MRTO4: variants seen among roughly 807,000 people sequenced by gnomAD.
The protein encoded by MRTO4 is MRT4 homolog, ribosome maturation factor.
Under a neutral mutation model 28.6 loss-of-function variants are expected in MRTO4, and 7 were observed. The ratio of observed to expected loss-of-function variants is 0.24; its 90% CI spans 0.14 to 0.46. MRTO4 has a LOEUF of 0.46. Among genes scored for constraint, MRTO4 ranks in the 20% least tolerant of loss-of-function variants. The pLI is 0.99. For synonymous variants in MRTO4, 113 were observed against 108.2 expected (o/e 1.04, Z -0.27); for missense variants, 302 against 298.3 (o/e 1.01, Z -0.09).
intron 5 of MRTO4, 49 bp from the exon 6 acceptor site, chr1:19,257,783 TG>T (rs1331049570): frequency 6.3e-7 from 1 of 1,598,834 alleles, no homozygotes; most frequent in East Asian, 2.2e-5. Flanking sequence ...ACTCATGGGC[TG>T]GTGGCGTGGC....
At chr1:19,255,561 C>T (rs2093670291) in intron 2 of MRTO4, among the ~76,000 whole-genome samples, 1 of 152,174 alleles carries the variant, frequency 6.6e-6, no homozygotes, top group African/African-American at 2.4e-5. Context: ...CTCATGGTGG[C>T]TTTGGCCAGC....
Position 19,258,845 on chromosome 1 carries a change from T to C in MRTO4, c.*15T>C. On this transcript the variant is annotated 3_prime_UTR_variant, in exon 8 of 8. Coordinates refer to ENST00000330263, the MANE Select transcript of MRTO4 (RefSeq NM_016183.4). ...ATGATGACTGAAAGGGACTCGGGAC[T>C]GAAGGTCTCCTGGAAGCTTCTGGGT... 6.2e-7 allele frequency: 1 copy of C among 1,612,332 alleles called. No individual in the cohort carries two copies. Among genetic ancestry groups the C allele is most frequent in the Middle Eastern group, 1.7e-4 (1 of 6,024 alleles).
chr1:19,251,841 C>T lies in MRTO4; in HGVS notation c.6C>T (p.Pro2=). 1.3e-6 allele frequency: 2 copies of T among 1,587,706 alleles called. No homozygotes were observed. Among genetic ancestry groups the T allele is most frequent in the Non-Finnish European group, 8.6e-7 (1 of 1,167,906 alleles). ...CCGCACGTGGATTCAGCGCGATGCCCAAATCCAAGCGCGACAAGAAAGGTG... is the reference window on the plus strand; with the variant it reads ...CCGCACGTGGATTCAGCGCGATGCCTAAATCCAAGCGCGACAAGAAAGGTG... M[P]KSKRDKKVSL... Residue 2 remains proline (P), a synonymous_variant, in exon 1 of 8, where the codon CCC becomes CCT. Transcript: ENST00000330263.
intron 2 of MRTO4, 97 bp downstream of exon 2, chr1:19,254,937 A>C: frequency 9.2e-7 from 1 of 1,083,090 alleles, no homozygotes; most frequent in African/African-American, 1.8e-5. Flanking sequence ...CCAGGGGAAC[A>C]TACTAGTGGG....
rs902383847 is a variant in MRTO4 at position 19,255,689 on chromosome 1, G to A, written c.88-259G>A. 4.6e-5 allele frequency among the ~76,000 whole-genome samples: 7 copies of A among 152,304 alleles called. No individual in the cohort carries two copies. The South Asian group carries it at 8.3e-4, about 18-fold the overall frequency. On this transcript the variant is annotated intron_variant, in intron 2 of 7. Transcript: ENST00000330263. Reference sequence around the variant, plus strand: ...GAATGTTTCTAGGTTAACAGCTGATGATCAGTTCCACTGTTGGTCATAAAT... The same window carrying A: ...GAATGTTTCTAGGTTAACAGCTGATAATCAGTTCCACTGTTGGTCATAAAT...
chr1:19,258,468 C>G lies in MRTO4; in HGVS notation c.494-9C>G. 1 of 1,613,654 alleles carries G rather than the reference C, an allele frequency of 6.2e-7. No individual in the cohort carries two copies. Among genetic ancestry groups the G allele is most frequent in the South Asian group, 1.1e-5 (1 of 91,080 alleles). ...GCCAGAGGTAACTGAGAGCCACCCT[C>G]TTCTGCAGGTGTGGTGACTCTGCTG... On this transcript the variant is annotated splice_polypyrimidine_tract_variant and intron_variant, in intron 6 of 7. Coordinates refer to ENST00000330263, the MANE Select transcript of MRTO4 (RefSeq NM_016183.4).
intron 1 of MRTO4, among the ~76,000 whole-genome samples, chr1:19,252,488 G>T (rs540178557): frequency 7.7e-4 from 118 of 152,266 alleles, no homozygotes; most frequent in African/African-American, 2.7e-3. Context: ...ATCTGAGGTC[G>T]GGAGTTCCCG....
At position 19,255,932 on chromosome 1, in the gene MRTO4, G is replaced by T. The variant is rs756266483; in HGVS notation, c.88-16G>T. On this transcript the variant is annotated splice_polypyrimidine_tract_variant and intron_variant, in intron 2 of 7. Transcript: ENST00000330263. Reference sequence around the variant, plus strand: ...TGCTGCTGCTTGAACTCAGAGCCTCGTGAATTGTCCCACAGCTTCGGAAAT... The same window carrying T: ...TGCTGCTGCTTGAACTCAGAGCCTCTTGAATTGTCCCACAGCTTCGGAAAT... The T allele has an allele frequency of 6.2e-7, 1 of 1,611,100 alleles. No homozygotes were observed.
intron 6 of MRTO4, 54 bp downstream of exon 6, chr1:19,258,038 C>T (rs2151973639): frequency 6.3e-7 from 1 of 1,576,670 alleles, no homozygotes; most frequent in Non-Finnish European, 8.6e-7. Context: ...AGAGCACGGG[C>T]CTGCAAGCTC....
intron 1 of MRTO4, among the ~76,000 whole-genome samples, chr1:19,253,082 A>G (rs545725553): frequency 6.6e-5 from 10 of 152,298 alleles, no homozygotes; most frequent in African/African-American, 2.2e-4. Flanking sequence ...AGGAAAGCCT[A>G]TTTCTTATCG....
chr1:19,254,800 C>T lies in MRTO4; in HGVS notation c.47C>T (p.Ala16Val), dbSNP rs762753214. The T allele has an allele frequency of 6.2e-7, 1 of 1,611,352 alleles. No individual in the cohort carries two copies. The highest frequency in any genetic ancestry group is 1.7e-5 in the Admixed American group (1 of 59,292). Residue 16 changes from alanine to valine, a missense_variant, in exon 2 of 8, where the codon GCC (alanine) becomes GTC (valine). Ala to Val is a moderately conservative substitution (Grantham distance 64, BLOSUM62 0). Transcript: ENST00000330263. ...TTATTAGTCTCCTTAACCAAAACTG[C>T]CAAGAAAGGCTTGGAATTGAAACAA... ...RDKKVSLTKT[A>V]KKGLELKQNL...
In MRTO4 at chr1:19,259,275, AAAG is replaced by A. The variant is rs1181912646; in HGVS notation, c.*448_*450del. On this transcript the variant is annotated 3_prime_UTR_variant, in exon 8 of 8. Coordinates refer to ENST00000330263, the MANE Select transcript of MRTO4 (RefSeq NM_016183.4). ...GTAAAACTCTGTCCCAAAAAAAAAA[AAAG>A]AATACAACCTTGCAGGATGTCTCTC... The A allele has an allele frequency of 1.4e-4, 22 of 155,218 alleles. No homozygotes were observed. The highest frequency in any genetic ancestry group is 2.8e-4 in the Non-Finnish European group (20 of 70,190). 9.6% of individuals were successfully genotyped at this position (155,218 alleles called of 1,614,324 possible). A position where few individuals can be genotyped will look rare whatever the true frequency, so the allele number is the denominator to read the frequency against.
chr1:19,254,171 G>A (rs1175916089), intron 1 of MRTO4, among the ~76,000 whole-genome samples: 1 of 152,138 alleles, frequency 6.6e-6, no homozygotes, highest in Admixed American at 6.5e-5. Flanking sequence ...CCAGGAGTTC[G>A]AGACCAACCT....
At chr1:19,254,655 G>C in intron 1 of MRTO4, 127 bp from the exon 2 acceptor site, 1 of 796,202 alleles carries the variant, frequency 1.3e-6, no homozygotes, top group Non-Finnish European at 2.2e-6. Context: ...GGCCACAAAG[G>C]CCTTGCTGCC....
In MRTO4 at chr1:19,257,604, A is replaced by G. The variant is rs1038126331; in HGVS notation, c.341+83A>G. 5 of 1,544,528 alleles carry G rather than the reference A, an allele frequency of 3.2e-6. No homozygotes were observed. In the African/African-American group the frequency reaches 4.1e-5, roughly 13 times the overall value. ...GAATGATGCAGGAACTTCGTTCCAT[A>G]TGTGGCATCAAGTTGGAACTGCTCC... On this transcript the variant is annotated intron_variant, in intron 5 of 7. Transcript: ENST00000330263.
Position 19,252,944 on chromosome 1 carries a change from CACCTCTTAAGAG to C in MRTO4, c.28+1085_28+1096del, listed in dbSNP as rs572853129. ...CGTGAGCCACTACACCCGACTTGCG[CACCTCTTAAGAG>C]ACCGTTTTTGACCACCTTTGCTGTG... On this transcript the variant is annotated intron_variant, in intron 1 of 7. Transcript: ENST00000330263. Among the ~76,000 whole-genome samples the C allele has an allele frequency of 5.1e-3, 771 of 152,324 alleles. 5 individuals are homozygous for C. Among genetic ancestry groups the C allele is most frequent in the African/African-American group, 0.016 (680 of 41,578 alleles).
At chr1:19,251,998 C>A (rs1030760043) in intron 1 of MRTO4, 135 bp downstream of exon 1, 6 of 1,301,232 alleles carry the variant, frequency 4.6e-6, no homozygotes, top group Non-Finnish European at 4.2e-6. Flanking sequence ...TGCCTCGCTG[C>A]GAGCTGGAAT....
chr1:19,253,084 T>C (rs1234573673), intron 1 of MRTO4, among the ~76,000 whole-genome samples: 3 of 152,232 alleles, frequency 2.0e-5, no homozygotes, highest in African/African-American at 7.2e-5. Flanking sequence ...GAAAGCCTAT[T>C]TCTTATCGAG....
At chr1:19,257,769 C>T in intron 5 of MRTO4, 64 bp from the exon 6 acceptor site, 1 of 1,584,572 alleles carries the variant, frequency 6.3e-7, no homozygotes, top group East Asian at 2.2e-5. Context: ...CTTGGGGGAG[C>T]CTGACTCATG....
Sources: allele counts gnomAD v4.1 joint callset (sites outside exome capture counted in the v4.1 genomes callset), GRCh38; gene constraint gnomAD v4.1.1; transcripts MANE v1.5; gene names NCBI Gene and HGNC (gene_info 2026-07-23, HGNC 2026-07-21).